Variants in GGACT observed in about 807,000 individuals in gnomAD.
The protein encoded by GGACT is gamma-glutamylamine cyclotransferase.
For synonymous variants in GGACT, 118 were observed against 115.3 expected (o/e 1.02, Z -0.15); for missense variants, 241 against 233.2 (o/e 1.03, Z -0.22).
chr13:100,538,424 GGA>G (rs1019636316), intron 2 of GGACT: 2 of 152,072 alleles, frequency 1.3e-5, no homozygotes, highest in Admixed American at 6.5e-5. Context: ...TTTAATTTGT[GGA>G]GTTTTAAAAA....
intron 2 of GGACT, among the ~76,000 whole-genome samples, chr13:100,546,919 A>G (rs1035472951): frequency 6.6e-6 from 1 of 152,086 alleles, no homozygotes; most frequent in African/African-American, 2.4e-5. Context: ...TCACCCCCCT[A>G]CGTCATCTGG....
At chr13:100,566,867 C>T (rs996586775) in intron 2 of GGACT, among the ~76,000 whole-genome samples, 1 of 152,228 alleles carries the variant, frequency 6.6e-6, no homozygotes, top group Non-Finnish European at 1.5e-5. Context: ...TGCTTTACAG[C>T]AAAAGGGCCC....
chr13:100,546,758 G>A (rs2088609083), intron 2 of GGACT, among the ~76,000 whole-genome samples: 1 of 152,240 alleles, frequency 6.6e-6, no homozygotes, highest in African/African-American at 2.4e-5. Context: ...TTGCGAGGCT[G>A]AGCTGCGAGT....
chr13:100,573,312 T>G (rs535057572), intron 2 of GGACT, among the ~76,000 whole-genome samples: 2 of 152,078 alleles, frequency 1.3e-5, no homozygotes, highest in African/African-American at 4.8e-5. Flanking sequence ...CCTTCCCCCA[T>G]CCCATGAAAT....
At chr13:100,539,744 G>A in intron 2 of GGACT, 1 of 620,524 alleles carries the variant, frequency 1.6e-6, no homozygotes, top group Non-Finnish European at 2.8e-6. Flanking sequence ...CTTTAGAAGA[G>A]TTTCAGGAGG....
intron 2 of GGACT, among the ~76,000 whole-genome samples, chr13:100,571,734 T>C (rs1875087715): frequency 1.3e-5 from 2 of 152,182 alleles, no homozygotes; most frequent in Admixed American, 1.3e-4. Flanking sequence ...TCCAATTCCC[T>C]ACAAATGGGG....
At chr13:100,580,381 A>G (rs891165670) in intron 2 of GGACT, among the ~76,000 whole-genome samples, 1 of 152,256 alleles carries the variant, frequency 6.6e-6, no homozygotes, top group Non-Finnish European at 1.5e-5. Context: ...GGAGGGGGCC[A>G]TGTGAAGACA....
intron 2 of GGACT, chr13:100,533,226 C>T (rs958591048): frequency 4.3e-4 from 67 of 155,932 alleles, no homozygotes; most frequent in Middle Eastern, 3.3e-3. Flanking sequence ...TATGGCCCTC[C>T]CAGACACACC....
intron 2 of GGACT, among the ~76,000 whole-genome samples, chr13:100,554,221 A>C (rs922278609): frequency 6.6e-6 from 1 of 152,144 alleles, no homozygotes; most frequent in Admixed American, 6.5e-5. Flanking sequence ...ATGTTCCCCC[A>C]GGGGATGAAA....
At chr13:100,584,563 T>C (rs766037913) in intron 1 of GGACT, among the ~76,000 whole-genome samples, 1 of 152,082 alleles carries the variant, frequency 6.6e-6, no homozygotes, top group East Asian at 1.9e-4. Flanking sequence ...TAGTATTTGA[T>C]AGCACAACAG....
chr13:100,588,224 C>T (rs1875640304), intron 1 of GGACT, among the ~76,000 whole-genome samples: 1 of 152,216 alleles, frequency 6.6e-6, no homozygotes, highest in Admixed American at 6.5e-5. Flanking sequence ...TTCAAAATTT[C>T]AGAAGTTTCA....
chr13:100,531,308 A>C lies in GGACT; in HGVS notation c.*822T>G, dbSNP rs1332227959. 3.3e-5 allele frequency: 5 copies of C among 152,352 alleles called. No individual in the cohort carries two copies. In the East Asian group the frequency reaches 5.8e-4, roughly 18 times the overall value. 9.4% of individuals were successfully genotyped at this position (152,352 alleles called of 1,614,324 possible). ...AGCTTCTGTCAGGCCTGAAGAACAA[A>C]TTACTAATGCATTGGCTCTTCTTTG... On this transcript the variant is annotated 3_prime_UTR_variant, in exon 3 of 3. Transcript: ENST00000683975.
chr13:100,586,279 G>GA (rs1475991291), intron 1 of GGACT, among the ~76,000 whole-genome samples: 7 of 150,184 alleles, frequency 4.7e-5, no homozygotes, highest in East Asian at 1.9e-4. Flanking sequence ...ACCAAAAAAA[G>GA]AAAAAAAAAG....
chr13:100,530,356 C>A lies in GGACT; in HGVS notation c.*1774G>T. 1.5e-6 allele frequency: 1 copy of A among 645,376 alleles called. No individual in the cohort carries two copies. The highest frequency in any genetic ancestry group is 2.8e-6 in the Non-Finnish European group (1 of 356,334). 40.0% of individuals were successfully genotyped at this position (645,376 alleles called of 1,614,324 possible). A position where few individuals can be genotyped will look rare whatever the true frequency, so the allele number is the denominator to read the frequency against. On this transcript the variant is annotated 3_prime_UTR_variant, in exon 3 of 3. Transcript: ENST00000683975. ...ATGGAAATTTTCATTGATATAAATACTTGTACATATGATTTGTACTTCTGC... is the reference window on the plus strand; with the variant it reads ...ATGGAAATTTTCATTGATATAAATAATTGTACATATGATTTGTACTTCTGC...
chr13:100,533,765 G>C (rs2088452370), intron 2 of GGACT: 1 of 152,244 alleles, frequency 6.6e-6, no homozygotes, highest in Admixed American at 6.5e-5. Context: ...GCCTGGGTCT[G>C]GGCCACAGAC....
rs184316853 is a variant in GGACT, at chr13:100,540,204, G to A, written c.-10-7603C>T. ...TGCAGCGAATAGGCTGCACGTGGCC[G>A]CGGCCCTTTTTGGCACGACCATTGT... On this transcript the variant is annotated intron_variant, in intron 2 of 2. Coordinates refer to ENST00000683975, the MANE Select transcript of GGACT (RefSeq NM_001195087.2). 1.6e-3 allele frequency: 2,439 copies of A among 1,486,312 alleles called. 3 individuals are homozygous for A. Among genetic ancestry groups the A allele is most frequent in the Non-Finnish European group, 2.1e-3 (2,226 of 1,077,492 alleles). 92.1% of individuals were successfully genotyped at this position (1,486,312 alleles called of 1,614,324 possible).
At chr13:100,552,566 G>A (rs2088674798) in intron 2 of GGACT, among the ~76,000 whole-genome samples, 1 of 152,206 alleles carries the variant, frequency 6.6e-6, no homozygotes, top group Non-Finnish European at 1.5e-5. Context: ...TCCTGTGCAA[G>A]GGGCTGTGCT....
Position 100,530,439 on chromosome 13 carries a change from T to G in GGACT, c.*1691A>C, listed in dbSNP as rs964926761. 1.8e-6 allele frequency: 1 copy of G among 543,576 alleles called. No individual in the cohort carries two copies. The highest frequency in any genetic ancestry group is 3.3e-6 in the Non-Finnish European group (1 of 302,394). 33.7% of individuals were successfully genotyped at this position (543,576 alleles called of 1,614,324 possible). ...TAAAACTGAGCATTTGTCTAAATAT[T>G]AGTTTGCCCTTTCTTTGAATGAAGA... is the stretch of plus-strand genomic sequence containing the variant. On this transcript the variant is annotated 3_prime_UTR_variant, in exon 3 of 3. Coordinates refer to ENST00000683975, the MANE Select transcript of GGACT (RefSeq NM_001195087.2).
chr13:100,588,707 C>A (rs1875661315), intron 1 of GGACT, 34 bp downstream of exon 1: 1 of 151,568 alleles, frequency 6.6e-6, no homozygotes, highest in Admixed American at 6.6e-5. Context: ...GGAGCAGGCG[C>A]AGCCCCGACC....
Sources: gnomAD v4.1 joint callset for allele counts (sites outside exome capture counted in the v4.1 genomes callset) on GRCh38, gnomAD v4.1.1 for gene constraint, MANE v1.5 for transcripts, NCBI Gene and HGNC (gene_info 2026-07-23, HGNC 2026-07-21) for gene names.